NCOR2: variants seen among roughly 807,000 people sequenced by gnomAD.
NCOR2 encodes nuclear receptor corepressor 2.
Under a neutral mutation model 262.9 loss-of-function variants are expected in NCOR2, and 81 were observed. The ratio of observed to expected loss-of-function variants is 0.31; its 90% CI spans 0.26 to 0.37. NCOR2 has a LOEUF of 0.37. NCOR2 is among the 10% of genes least tolerant of loss of function. The pLI, the probability that NCOR2 is intolerant of heterozygous loss-of-function variation, is 1.00. For missense variants in NCOR2, 3,385 were observed against 3,621.4 expected (o/e 0.93, Z 1.68); for synonymous variants, 1,659 against 1,559.3 (o/e 1.06, Z -1.51).
intron 6 of NCOR2, among the ~76,000 whole-genome samples, chr12:124,452,247 T>C (rs1192655823): frequency 1.3e-5 from 2 of 152,264 alleles, no homozygotes; most frequent in Non-Finnish European, 2.9e-5. Flanking sequence ...CGAATCCTCG[T>C]CTCAGGAATG....
rs890263758 is a variant in NCOR2 at position 124,389,798 on chromosome 12, T to TG, written c.1877-3912dup. 7.9e-5 allele frequency among the ~76,000 whole-genome samples: 12 copies of TG among 152,150 alleles called. No homozygotes were observed. Among genetic ancestry groups the TG allele is most frequent in the Non-Finnish European group, 1.0e-4 (7 of 67,986 alleles). The stretch of plus-strand genomic sequence containing the variant: ...GGGTCCCCAAAGAGCCCTCTGCTGC[T>TG]GGGGGGGTCTCGGGACCACAGCTGC... On this transcript the variant is annotated intron_variant, in intron 16 of 46. Transcript: ENST00000405201. The surrounding 1 kb of genome is among the most constrained non-coding windows in gnomAD (Gnocchi z 4.4).
intron 16 of NCOR2, among the ~76,000 whole-genome samples, chr12:124,386,221 T>C (rs2040794675): frequency 6.6e-6 from 1 of 151,826 alleles, no homozygotes; most frequent in African/African-American, 2.4e-5. Context: ...GGCGGAGGGC[T>C]GTGAATATCC....
At chr12:124,477,194 G>C (rs1031628553) in intron 3 of NCOR2, among the ~76,000 whole-genome samples, 3 of 152,214 alleles carry the variant, frequency 2.0e-5, no homozygotes, top group African/African-American at 7.2e-5. Context: ...GAGGGGCCAA[G>C]TGGAGGTCAT....
In NCOR2 at chr12:124,413,818, GC is replaced by G. The variant is rs969382816; in HGVS notation, c.1482+6138del. Among the ~76,000 whole-genome samples, 9 of 152,236 alleles carry G rather than the reference GC, an allele frequency of 5.9e-5. No homozygotes were observed. In the South Asian group the frequency reaches 6.2e-4, roughly 11 times the overall value. Reference sequence around the variant, plus strand: ...CTCCCCAAAGACATATATGGTAACGGCGGAGGCACTGAGAGAGAAAGAGACA... The same window carrying G: ...CTCCCCAAAGACATATATGGTAACGGGGAGGCACTGAGAGAGAAAGAGACA... On this transcript the variant is annotated intron_variant, in intron 13 of 46. Coordinates refer to ENST00000405201, the Ensembl canonical transcript of NCOR2.
chr12:124,415,160 CCTT>C (rs1203247711), intron 13 of NCOR2, among the ~76,000 whole-genome samples: 3 of 152,156 alleles, frequency 2.0e-5, no homozygotes, highest in Non-Finnish European at 2.9e-5. Context: ...TCCCCACCCT[CCTT>C]AAGGAGCTGC....
chr12:124,409,066 C>G (rs2042427838), intron 13 of NCOR2, among the ~76,000 whole-genome samples: 1 of 152,230 alleles, frequency 6.6e-6, no homozygotes. Context: ...TAAACATTTA[C>G]CAGCACTCTA....
At chr12:124,560,087 G>C (rs902952463) in intron 1 of NCOR2, among the ~76,000 whole-genome samples, 5 of 152,192 alleles carry the variant, frequency 3.3e-5, no homozygotes, top group Non-Finnish European at 7.3e-5. Context: ...GGGCCTACCT[G>C]GAATGACCTT....
At chr12:124,345,464 G>C (rs775140474) in intron 31 of NCOR2, among the ~76,000 whole-genome samples, 3 of 152,134 alleles carry the variant, frequency 2.0e-5, no homozygotes, top group Admixed American at 1.3e-4. Flanking sequence ...GAAATGGGGG[G>C]GTCACAGTCC....
rs747029050 is a variant in NCOR2 at position 124,355,534 on chromosome 12, C to T, written c.3279G>A (p.Arg1093=). ...TGGTGGGTGGGCGCGGCAGGACGGG[C>T]CGGGCAGTGTCATGGAGGCCCAGGG... Residue 1093 remains arginine, a synonymous_variant, in exon 24 of 47, where the codon CGG becomes CGA. Coordinates refer to ENST00000405201, the Ensembl canonical transcript of NCOR2. The T allele has an allele frequency of 1.3e-5, 20 of 1,595,470 alleles. No homozygotes were observed. The South Asian group carries it at 2.3e-4, about 18-fold the overall frequency.
intron 44 of NCOR2, among the ~76,000 whole-genome samples, chr12:124,330,403 A>G (rs1405315209): frequency 6.6e-6 from 1 of 152,240 alleles, no homozygotes; most frequent in Admixed American, 6.5e-5. Flanking sequence ...TTTGATCTTG[A>G]AAGAAAAAGT....
At chr12:124,466,116 T>C in intron 5 of NCOR2, 57 bp downstream of exon 7, 1 of 1,497,908 alleles carries the variant, frequency 6.7e-7, no homozygotes, top group East Asian at 2.4e-5. Flanking sequence ...TGGTGCCCCC[T>C]GTGAAGCGCC....
In NCOR2 at chr12:124,413,816, C is replaced by T. The variant is rs566128588; in HGVS notation, c.1482+6141G>A. On this transcript the variant is annotated intron_variant, in intron 13 of 46. Transcript: ENST00000405201. ...AACTCCCCAAAGACATATATGGTAA[C>T]GGCGGAGGCACTGAGAGAGAAAGAG... Among the ~76,000 whole-genome samples the T allele has an allele frequency of 5.3e-5, 8 of 152,202 alleles. No individual in the cohort carries two copies. In the East Asian group the frequency reaches 1.2e-3, roughly 22 times the overall value.
chr12:124,453,028 G>A (rs2136524374), intron 6 of NCOR2, among the ~76,000 whole-genome samples: 1 of 152,296 alleles, frequency 6.6e-6, no homozygotes, highest in South Asian at 2.1e-4. Flanking sequence ...CACCGCCATG[G>A]CAACAGGCTG....
chr12:124,372,685 C>G, intron 19 of NCOR2, 75 bp from the exon 22 acceptor site: 1 of 1,369,718 alleles, frequency 7.3e-7, no homozygotes, highest in Non-Finnish European at 1.0e-6. Flanking sequence ...GGCCCTGACC[C>G]TCCGGATGAG....
chr12:124,325,392 C>CCCCCCCCCGG, exon 47 of NCOR2: 1 of 1,152,268 alleles, frequency 8.7e-7, no homozygotes, highest in Non-Finnish European at 1.1e-6. Context: ...CCCCCCCGCC[C>CCCCCCCCCGG]TGTTCTGAGT....
At chr12:124,469,452 GGAA>G (rs888689496) in intron 4 of NCOR2, among the ~76,000 whole-genome samples, 11 of 152,148 alleles carry the variant, frequency 7.2e-5, no homozygotes, top group African/African-American at 7.2e-5. Context: ...GCCAAGAAGG[GGAA>G]GAAGCCCACA....
At chr12:124,328,958 C>A in intron 44 of NCOR2, 1 of 333,146 alleles carries the variant, frequency 3.0e-6, no homozygotes, top group South Asian at 2.4e-5. Context: ...CAGCCATGTG[C>A]ATGAAGAAAA....
chr12:124,515,635 CTGTGAGTGTGCATATGAG>C (rs951450596), intron 1 of NCOR2, among the ~76,000 whole-genome samples: 10 of 127,168 alleles, frequency 7.9e-5, no homozygotes, highest in African/African-American at 1.9e-4. Flanking sequence ...GTGTGCACGA[CTGTGAGTGTGCATATGAG>C]TGTGAGTGTG....
upstream of NCOR2, among the ~76,000 whole-genome samples, chr12:124,498,577 G>A (rs953681829): frequency 4.0e-5 from 6 of 151,482 alleles, no homozygotes; most frequent in East Asian, 1.2e-3. Context: ...CTGCCAACTC[G>A]AAAAAAAACA....
Sources: allele counts gnomAD v4.1 joint callset (sites outside exome capture counted in the v4.1 genomes callset), GRCh38; gene constraint gnomAD v4.1.1; non-coding constraint Gnocchi (gnomAD v3.1); transcripts MANE v1.5; gene names NCBI Gene and HGNC (gene_info 2026-07-23, HGNC 2026-07-21).